Variants in ANKRD61 observed in about 807,000 individuals in gnomAD.
The protein encoded by ANKRD61 is ankyrin repeat domain-containing protein 61.
In ANKRD61, 7 loss-of-function variants were observed where a neutral mutation model predicts 8.4. The observed-to-expected ratio is 0.84, with a 90% confidence interval of 0.48 to 1.57. The LOEUF (loss-of-function observed/expected upper bound fraction) is 1.57, where lower values mean the gene tolerates loss of function less well. Among genes scored for constraint, ANKRD61 ranks in the 40% most tolerant of loss-of-function variants. ANKRD61 has a pLI of 0.00. For missense variants in ANKRD61, 516 were observed against 523.4 expected (o/e 0.99, Z 0.14); for synonymous variants, 198 against 208.0 (o/e 0.95, Z 0.41).
Position 6,035,317 on chromosome 7 carries a change from A to C in ANKRD61, c.315-127A>C. 1 of 980,586 alleles carries C rather than the reference A, an allele frequency of 1.0e-6. No homozygotes were observed. Among genetic ancestry groups the C allele is most frequent in the Non-Finnish European group, 1.5e-6 (1 of 679,390 alleles). The allele number at this position is 980,586 out of a possible 1,614,324, so 60.7% of individuals were successfully genotyped here. ...AAACTACCCAGCGATACAGATTTTGAAACACGTCCTTAAGGTAATTGAAGG... is the reference window on the plus strand; with the variant it reads ...AAACTACCCAGCGATACAGATTTTGCAACACGTCCTTAAGGTAATTGAAGG... On this transcript the variant is annotated intron_variant, in intron 2 of 2. Transcript: ENST00000409061. The surrounding 1 kb of genome is among the most constrained non-coding windows in gnomAD (Gnocchi z 5.5).
rs1221419989 is a variant in ANKRD61, at chr7:6,036,293, T to C, written c.1164T>C (p.Tyr388=). The part of the protein sequence containing the change: ...GICKRNIRNI[Y]GEKYKQHLKQ... ...GCAAAAGAAACATCAGGAATATTTA[T>C]GGTGAGAAATACAAACAGCACTTGA... The change falls in exon 3 of 3, where the codon TAT becomes TAC. Residue 388 remains tyrosine (Y), a synonymous_variant. Transcript: ENST00000409061. This position sits in a 1 kb window ranked among gnomAD's most constrained non-coding sequence, Gnocchi z 4.6. The C allele has an allele frequency of 1.9e-6, 3 of 1,548,682 alleles. No individual in the cohort carries two copies. Among genetic ancestry groups the C allele is most frequent in the Admixed American group, 2.0e-5 (1 of 50,258 alleles).
At position 6,031,428 on chromosome 7, in the gene ANKRD61, AG is replaced by A. The variant is rs1174416637; in HGVS notation, c.54del (p.Lys18AsnfsTer20). ...AGAGACCTGGTGGTTGACAGTGCCA[AG>A]TCCCTGGAAGATGGCCCATCTGCAG... The part of the protein sequence containing the change: ...GSRDLVVDSA[K>X]SLEDGPSAAL... On this transcript the variant is annotated frameshift_variant, in exon 1 of 3. Coordinates refer to ENST00000409061, the MANE Select transcript of ANKRD61 (RefSeq NM_001271700.2). LOFTEE classifies it high-confidence loss of function. 24 of 1,550,822 alleles carry A rather than the reference AG, an allele frequency of 1.5e-5. No individual in the cohort carries two copies. The highest frequency in any genetic ancestry group is 2.0e-5 in the Non-Finnish European group (23 of 1,147,054).
chr7:6,036,473 C>T lies in ANKRD61; in HGVS notation c.*87C>T. 6 of 919,648 alleles carry T rather than the reference C, an allele frequency of 6.5e-6. No homozygotes were observed. Among genetic ancestry groups the T allele is most frequent in the Non-Finnish European group, 9.3e-6 (6 of 645,240 alleles). The allele number at this position is 919,648 out of a possible 1,614,324, so 57.0% of individuals were successfully genotyped here. The stretch of plus-strand genomic sequence containing the variant: ...TAGACATGTCCCAGAAAATGCTTCA[C>T]CTATCACCTGTGACATCCCAAATGT... On this transcript the variant is annotated 3_prime_UTR_variant, in exon 3 of 3. Coordinates refer to ENST00000409061, the MANE Select transcript of ANKRD61 (RefSeq NM_001271700.2). This position sits in a 1 kb window ranked among gnomAD's most constrained non-coding sequence, Gnocchi z 4.6.
chr7:6,034,066 C>T (rs977801127), intron 2 of ANKRD61, among the ~76,000 whole-genome samples: 6 of 151,426 alleles, frequency 4.0e-5, no homozygotes, highest in South Asian at 4.2e-4. Context: ...GCCTGTAATC[C>T]CAGCACCATG....
In ANKRD61 at chr7:6,035,759, C is replaced by G. The variant is rs554661015; in HGVS notation, c.630C>G (p.Asn210Lys). The G allele has an allele frequency of 2.4e-5, 37 of 1,551,172 alleles. No individual in the cohort carries two copies. The highest frequency in any genetic ancestry group is 3.2e-5 in the Non-Finnish European group (37 of 1,147,130). ...TGACACCCCTTCACATGGCCGCAAA[C>G]ATGCTGAATAAGGAGATGATGGAAA... Reference protein sequence around the residue: ...ASMTPLHMAANMLNKEMMETL... With the variant: ...ASMTPLHMAAKMLNKEMMETL... Residue 210 changes from asparagine to lysine, a missense_variant, in exon 3 of 3, where the codon AAC (asparagine) becomes AAG (lysine). By Grantham distance (94) the Asn-to-Lys change is moderately conservative (BLOSUM62 0). Coordinates refer to ENST00000409061, the MANE Select transcript of ANKRD61 (RefSeq NM_001271700.2). The surrounding 1 kb of genome is among the most constrained non-coding windows in gnomAD (Gnocchi z 5.5).
chr7:6,032,785 A>C lies in ANKRD61; in HGVS notation c.217-54A>C. 7.1e-7 allele frequency: 1 copy of C among 1,409,784 alleles called. No homozygotes were observed. The highest frequency in any genetic ancestry group is 2.0e-5 in the Admixed American group (1 of 49,406). 87.3% of individuals were successfully genotyped at this position (1,409,784 alleles called of 1,614,324 possible). A position where few individuals can be genotyped will look rare whatever the true frequency, so the allele number is the denominator to read the frequency against. ...TTTGAAACGGCAAGCTAACACAAAC[A>C]GTATTTTTAACTACACAGGGCCACT... On this transcript the variant is annotated intron_variant, in intron 1 of 2. Coordinates refer to ENST00000409061, the MANE Select transcript of ANKRD61 (RefSeq NM_001271700.2). The surrounding 1 kb of genome is among the most constrained non-coding windows in gnomAD (Gnocchi z 4.3).
At chr7:6,034,667 C>G (rs1054967279) in intron 2 of ANKRD61, among the ~76,000 whole-genome samples, 2 of 152,184 alleles carry the variant, frequency 1.3e-5, no homozygotes, top group African/African-American at 2.4e-5. Context: ...TAGGGCCTCA[C>G]GCTAAACAAA....
intron 1 of ANKRD61, 42 bp downstream of exon 1, chr7:6,031,633 G>C (rs1305972559): frequency 6.5e-7 from 1 of 1,541,482 alleles, no homozygotes; most frequent in African/African-American, 1.4e-5. Flanking sequence ...AAAAAGTCAG[G>C]CTGCTTAGAA....
Position 6,033,472 on chromosome 7 carries a change from G to A in ANKRD61, c.314+536G>A, listed in dbSNP as rs1787975198. ...AATTAATGCACATTCTGAGGATTAA[G>A]AGCTCAATGGTGGTGTTGTGAGGAA... On this transcript the variant is annotated intron_variant, in intron 2 of 2. Coordinates refer to ENST00000409061, the MANE Select transcript of ANKRD61 (RefSeq NM_001271700.2). This position sits in a 1 kb window ranked among gnomAD's most constrained non-coding sequence, Gnocchi z 4.4. 6.6e-6 allele frequency among the ~76,000 whole-genome samples: 1 copy of A among 152,184 alleles called. No homozygotes were observed. The highest frequency in any genetic ancestry group is 2.4e-5 in the African/African-American group (1 of 41,434).
In ANKRD61 at chr7:6,035,931, G is replaced by T; in HGVS notation, c.802G>T (p.Gly268Ter). 1 of 1,547,242 alleles carries T rather than the reference G, an allele frequency of 6.5e-7. No individual in the cohort carries two copies. The highest frequency in any genetic ancestry group is 2.4e-5 in the East Asian group (1 of 40,856). ...VSCIRLLLTH[G>*]AKVNAQDYKG... ...CTGCATCCGTCTGCTACTCACTCAC[G>T]GAGCCAAAGTCAACGCCCAGGACTA... The change falls in exon 3 of 3, where the codon GGA becomes TGA. Residue 268 changes from glycine to a stop codon, truncating the protein, a stop_gained. Transcript: ENST00000409061. LOFTEE classifies it low-confidence loss of function (END_TRUNC). The surrounding 1 kb of genome is among the most constrained non-coding windows in gnomAD (Gnocchi z 5.5).
rs1042787936 is a variant in ANKRD61, at chr7:6,036,121, T to C, written c.992T>C (p.Leu331Pro). 6.4e-7 allele frequency: 1 copy of C among 1,550,784 alleles called. No individual in the cohort carries two copies. The highest frequency in any genetic ancestry group is 1.4e-5 in the African/African-American group (1 of 73,176). ...RSCNVRDTAL[L>P]ARLLYHTYPL... ...TGCAATGTAAGAGATACGGCACTTC[T>C]GGCCAGGCTACTTTATCACACTTAT... Residue 331 changes from leucine (L) to proline (P), a missense_variant, in exon 3 of 3, where the codon CTG becomes CCG. Physicochemically the swap from Leu to Pro is moderately conservative, Grantham distance 98. Coordinates refer to ENST00000409061, the MANE Select transcript of ANKRD61 (RefSeq NM_001271700.2). This position sits in a 1 kb window ranked among gnomAD's most constrained non-coding sequence, Gnocchi z 4.6.
In ANKRD61 at chr7:6,035,374, G is replaced by T; in HGVS notation, c.315-70G>T. Reference sequence around the variant, plus strand: ...CTTTAAATAAATACTGGCTTCTTAAGCATTAACTGTCCACGTAGAGCCGTT... The same window carrying T: ...CTTTAAATAAATACTGGCTTCTTAATCATTAACTGTCCACGTAGAGCCGTT... On this transcript the variant is annotated intron_variant, in intron 2 of 2. Transcript: ENST00000409061. This position sits in a 1 kb window ranked among gnomAD's most constrained non-coding sequence, Gnocchi z 5.5. 7.3e-7 allele frequency: 1 copy of T among 1,365,872 alleles called. No homozygotes were observed. The highest frequency in any genetic ancestry group is 2.5e-5 in the East Asian group (1 of 39,620). The allele number at this position is 1,365,872 out of a possible 1,614,324, so 84.6% of individuals were successfully genotyped here. A position where few individuals can be genotyped will look rare whatever the true frequency, so the allele number is the denominator to read the frequency against.
Sources: allele counts gnomAD v4.1 joint callset (sites outside exome capture counted in the v4.1 genomes callset), GRCh38; gene constraint gnomAD v4.1.1; non-coding constraint Gnocchi (gnomAD v3.1); transcripts MANE v1.5; gene names NCBI Gene and HGNC (gene_info 2026-07-23, HGNC 2026-07-21).